The following PHOSPHO1 variants were observed in gnomAD, a reference collection of about 807,000 sequenced individuals.
PHOSPHO1 encodes the protein phosphoethanolamine/phosphocholine phosphatase.
PHOSPHO1 carries 6 observed loss-of-function variants against 17.7 expected under a neutral mutation model. That is an observed-to-expected ratio of 0.34 (90% CI 0.19 to 0.67). PHOSPHO1 has a LOEUF of 0.67. Among genes scored for constraint, PHOSPHO1 ranks in the 30% least tolerant of loss-of-function variants. The pLI is 0.69. For synonymous variants in PHOSPHO1, 159 were observed against 174.6 expected (o/e 0.91, Z 0.71); for missense variants, 330 against 392.1 (o/e 0.84, Z 1.34).
In PHOSPHO1 at chr17:49,230,465, C is replaced by CA. The variant is rs2043402055; in HGVS notation, c.-68+2dup. On this transcript the variant is annotated splice_region_variant and intron_variant, in intron 1 of 2. Coordinates refer to ENST00000310544, the MANE Select transcript of PHOSPHO1 (RefSeq NM_178500.4). ...CCCCTATCTCCCGGAGCCCAGGACT[C>CA]ACGTGGGGGCGGCGGCAGCAGAGGT... 1 of 152,588 alleles carries CA rather than the reference C, an allele frequency of 6.6e-6. No homozygotes were observed. Among genetic ancestry groups the CA allele is most frequent in the South Asian group, 2.0e-4 (1 of 4,888 alleles). The allele number at this position is 152,588 out of a possible 1,614,324, so 9.5% of individuals were successfully genotyped here.
intron 1 of PHOSPHO1, chr17:49,228,963 A>AACACAC (rs201660138): frequency 1.9e-5 from 1 of 52,412 alleles, no homozygotes; most frequent in Non-Finnish European, 4.0e-5. Context: ...CCCCATCCCC[A>AACACAC]ACACACACAC....
chr17:49,229,565 C>T (rs1218565989), intron 1 of PHOSPHO1, among the ~76,000 whole-genome samples: 1 of 152,154 alleles, frequency 6.6e-6, no homozygotes. Context: ...AAATTCCCCT[C>T]TTACTGGGCA....
At position 49,223,945 on chromosome 17, in the gene PHOSPHO1, A is replaced by C; in HGVS notation, c.*301T>G. 1 of 318,300 alleles carries C rather than the reference A, an allele frequency of 3.1e-6. No homozygotes were observed. The highest frequency in any genetic ancestry group is 1.3e-4 in the South Asian group (1 of 7,776). The allele number at this position is 318,300 out of a possible 1,614,324, so 19.7% of individuals were successfully genotyped here. ...CCTGCCGGGGGGGCCCCTTCCTCCC[A>C]GTTGGGAGGACCAGGAAATACTGCT... On this transcript the variant is annotated 3_prime_UTR_variant, in exon 3 of 3. Transcript: ENST00000310544.
In PHOSPHO1 at chr17:49,224,253, G is replaced by A. The variant is rs267604938; in HGVS notation, c.797C>T (p.Ser266Leu). Residue 266 changes from serine (S) to leucine (L), a missense_variant, in exon 3 of 3, where the codon TCG becomes TTG. Ser to Leu is a moderately radical substitution (Grantham distance 145). Coordinates refer to ENST00000310544, the MANE Select transcript of PHOSPHO1 (RefSeq NM_178500.4). ...CCCTGCAGGCGGCCAGACTCAGCAC[G>A]ACTTCAGCACCTGTTGCAGGTGGAG... ...VRLHLQQVLK[S>L]C 6.4e-7 allele frequency: 1 copy of A among 1,570,236 alleles called. No homozygotes were observed. The highest frequency in any genetic ancestry group is 1.8e-5 in the Admixed American group (1 of 55,722).
rs2043348856 is a variant in PHOSPHO1 at position 49,225,789 on chromosome 17, G to C, written c.46-785C>G. ...AGGCCATGACACACCTGGGAGACAGGTAAGGGAGAAGAGAAGAGAGCAGCA... is the reference window on the plus strand; with the variant it reads ...AGGCCATGACACACCTGGGAGACAGCTAAGGGAGAAGAGAAGAGAGCAGCA... On this transcript the variant is annotated intron_variant, in intron 2 of 2. Coordinates refer to ENST00000310544, the MANE Select transcript of PHOSPHO1 (RefSeq NM_178500.4). 3.2e-6 allele frequency: 4 copies of C among 1,249,582 alleles called. No homozygotes were observed. In the South Asian group the frequency reaches 4.0e-5, roughly 13 times the overall value. 77.4% of individuals were successfully genotyped at this position (1,249,582 alleles called of 1,614,324 possible).
Position 49,224,224 on chromosome 17 carries a change from A to G in PHOSPHO1, c.*22T>C. The G allele has an allele frequency of 1.3e-6, 2 of 1,536,730 alleles. No homozygotes were observed. Among genetic ancestry groups the G allele is most frequent in the Non-Finnish European group, 1.7e-6 (2 of 1,147,568 alleles). On this transcript the variant is annotated 3_prime_UTR_variant, in exon 3 of 3. Coordinates refer to ENST00000310544, the MANE Select transcript of PHOSPHO1 (RefSeq NM_178500.4). ...CGCCCCCTCCGCCGTTGGCCCGGGT[A>G]CCCCCCTGCAGGCGGCCAGACTCAG...
At position 49,224,721 on chromosome 17, in the gene PHOSPHO1, G is replaced by T. The variant is rs144781092; in HGVS notation, c.329C>A (p.Ala110Glu). ...CACCTCGAAGCAGGCGCCCTGTTTT[G>T]CCACAAACTGCAGCAGGTCGCTCAT... ...PGMSDLLQFV[A>E]KQGACFEVIL... Residue 110 changes from alanine (A) to glutamate (E), a missense_variant, in exon 3 of 3, where the codon GCA (alanine) becomes GAA (glutamate). By Grantham distance (107) the Ala-to-Glu change is moderately radical (BLOSUM62 -1). Coordinates refer to ENST00000310544, the MANE Select transcript of PHOSPHO1 (RefSeq NM_178500.4). The T allele has an allele frequency of 3.9e-4, 618 of 1,597,230 alleles. 4 individuals are homozygous for T. In the African/African-American group the frequency reaches 7.4e-3, roughly 19 times the overall value.
chr17:49,223,946 G>C lies in PHOSPHO1; in HGVS notation c.*300C>G. 6.1e-6 allele frequency: 2 copies of C among 328,032 alleles called. No individual in the cohort carries two copies. Among genetic ancestry groups the C allele is most frequent in the Non-Finnish European group, 1.1e-5 (2 of 181,292 alleles). The allele number at this position is 328,032 out of a possible 1,614,324, so 20.3% of individuals were successfully genotyped here. A position where few individuals can be genotyped will look rare whatever the true frequency, so the allele number is the denominator to read the frequency against. On this transcript the variant is annotated 3_prime_UTR_variant, in exon 3 of 3. Transcript: ENST00000310544. ...CTGCCGGGGGGGCCCCTTCCTCCCAGTTGGGAGGACCAGGAAATACTGCTG... is the reference window on the plus strand; with the variant it reads ...CTGCCGGGGGGGCCCCTTCCTCCCACTTGGGAGGACCAGGAAATACTGCTG...
Position 49,226,707 on chromosome 17 carries a change from G to A in PHOSPHO1, c.-16C>T, listed in dbSNP as rs376447815. 39 of 1,614,006 alleles carry A rather than the reference G, an allele frequency of 2.4e-5. No homozygotes were observed. The African/African-American group carries it at 3.3e-4, about 14-fold the overall frequency. On this transcript the variant is annotated 5_prime_UTR_variant, in exon 2 of 3. The change creates a new upstream start codon in the 5' untranslated region. Coordinates refer to ENST00000310544, the MANE Select transcript of PHOSPHO1 (RefSeq NM_178500.4). ...AGCCACTCATTGTCGGTGCATTACCGTGAGCACCACCTGTAGGGACTCTGT... is the reference window on the plus strand; with the variant it reads ...AGCCACTCATTGTCGGTGCATTACCATGAGCACCACCTGTAGGGACTCTGT...
chr17:49,226,733 T>G lies in PHOSPHO1; in HGVS notation c.-42A>C. On this transcript the variant is annotated 5_prime_UTR_variant, in exon 2 of 3. Transcript: ENST00000310544. ...TGAGCACCACCTGTAGGGACTCTGT[T>G]GGCCTCCAGCCGTCGTCACACGTTC... The G allele has an allele frequency of 6.2e-7, 1 of 1,612,598 alleles. No homozygotes were observed.
At chr17:49,225,578 C>T (rs2043346145) in intron 2 of PHOSPHO1, 1 of 1,281,202 alleles carries the variant, frequency 7.8e-7, no homozygotes, top group African/African-American at 1.5e-5. Context: ...TGGCACTGAA[C>T]AGGGGTCTAG....
At chr17:49,225,561 A>G (rs1362569583) in intron 2 of PHOSPHO1, 3 of 1,242,700 alleles carry the variant, frequency 2.4e-6, no homozygotes, top group East Asian at 5.9e-5. Flanking sequence ...AGCTGCTTCT[A>G]GCCCAATGGC....
chr17:49,225,399 CTGT>C, intron 2 of PHOSPHO1: 4 of 985,416 alleles, frequency 4.1e-6, no homozygotes, highest in Non-Finnish European at 4.8e-6. Flanking sequence ...CCAGTGGCCC[CTGT>C]TGTTGGTGTG....
intron 1 of PHOSPHO1, among the ~76,000 whole-genome samples, chr17:49,227,728 C>T (rs1240841899): frequency 6.6e-6 from 1 of 152,190 alleles, no homozygotes; most frequent in Admixed American, 6.5e-5. Flanking sequence ...GAGCAGGGTA[C>T]AGGCTCTAGC....
chr17:49,225,152 G>A, intron 2 of PHOSPHO1, 148 bp from the exon 3 acceptor site: 1 of 1,435,152 alleles, frequency 7.0e-7, no homozygotes, highest in Non-Finnish European at 9.1e-7. Context: ...CCCAAGTCTG[G>A]TTAAGCTGGG....
At position 49,224,684 on chromosome 17, in the gene PHOSPHO1, G is replaced by A. The variant is rs774308695; in HGVS notation, c.366C>T (p.Ser122=). The A allele has an allele frequency of 1.9e-6, 3 of 1,591,566 alleles. No individual in the cohort carries two copies. The highest frequency in any genetic ancestry group is 1.1e-5 in the South Asian group (1 of 88,288). Residue 122 remains serine, a synonymous_variant, in exon 3 of 3, where the codon TCC becomes TCT. Transcript: ENST00000310544. ...QGACFEVILI[S]DANTFGVESS... ...TCTCCACGCCAAAGGTGTTGGCATC[G>A]GAGATGAGAATCACCTCGAAGCAGG... is the stretch of plus-strand genomic sequence containing the variant.
chr17:49,224,570 C>T lies in PHOSPHO1; in HGVS notation c.480G>A (p.Leu160=), dbSNP rs1489767538. ...SGPDARGLLA[L]RPFHTHSCAR... ...CGCAGCTGTGTGTGTGGAACGGCCG[C>T]AGAGCCAGCAGTCCCCGCGCATCCG... The change falls in exon 3 of 3, where the codon CTG becomes CTA. Residue 160 remains leucine (L), a synonymous_variant. Transcript: ENST00000310544. The T allele has an allele frequency of 6.4e-7, 1 of 1,563,670 alleles. No individual in the cohort carries two copies. The highest frequency in any genetic ancestry group is 8.6e-7 in the Non-Finnish European group (1 of 1,160,116).
chr17:49,226,818 A>T, intron 1 of PHOSPHO1, 60 bp from the exon 2 acceptor site: 1 of 1,040,684 alleles, frequency 9.6e-7, no homozygotes, highest in South Asian at 1.4e-5. Context: ...TTCCACCAGG[A>T]ATACCCACCT....
chr17:49,224,648 G>A lies in PHOSPHO1; in HGVS notation c.402C>T (p.Arg134=), dbSNP rs377274359. The change falls in exon 3 of 3, where the codon CGC becomes CGT. Residue 134 remains arginine (R), a synonymous_variant. Transcript: ENST00000310544. ...GGAACAGGCTGTGGTGGCCGGCGGC[G>A]CGCAGCGAGCTCTCCACGCCAAAGG... The part of the protein sequence containing the change: ...ANTFGVESSL[R]AAGHHSLFRR... 5.4e-5 allele frequency: 85 copies of A among 1,583,708 alleles called. No individual in the cohort carries two copies. The Middle Eastern group carries it at 6.6e-4, about 12-fold the overall frequency.
Sources: allele counts gnomAD v4.1 joint callset (sites outside exome capture counted in the v4.1 genomes callset), GRCh38; gene constraint gnomAD v4.1.1; transcripts MANE v1.5; gene names NCBI Gene and HGNC (gene_info 2026-07-23, HGNC 2026-07-21).